Variants in RERE observed in about 807,000 individuals in gnomAD.
RERE encodes arginine-glutamic acid dipeptide repeats protein.
A neutral mutation model predicts 146.1 loss-of-function variants in RERE; 40 were observed. That is an observed-to-expected ratio of 0.27 (90% confidence interval 0.21 to 0.36). RERE has a LOEUF of 0.36. RERE is among the 10% of genes least tolerant of loss of function. The pLI is 1.00. For synonymous variants in RERE, 1,003 were observed against 866.0 expected (o/e 1.16, Z -2.78); for missense variants, 1,933 against 2,138.7 (o/e 0.90, Z 1.90).
chr1:8,726,448 C>T (rs1183823986), intron 1 of RERE, among the ~76,000 whole-genome samples: 2 of 152,102 alleles, frequency 1.3e-5, no homozygotes, highest in Admixed American at 6.6e-5. Context: ...CCAACGCGCC[C>T]GGCCAGGCAA....
intron 4 of RERE, among the ~76,000 whole-genome samples, chr1:8,609,365 G>A (rs1646763214): frequency 6.6e-6 from 1 of 152,200 alleles, no homozygotes; most frequent in African/African-American, 2.4e-5. Flanking sequence ...GGTCAGCTGG[G>A]TGCTTTCAGA....
rs2124502817 is a variant in RERE, at chr1:8,741,319, A to G, written c.-145+75841T>C. 3.3e-5 allele frequency among the ~76,000 whole-genome samples: 5 copies of G among 152,362 alleles called. 1 individual carries two copies. The Middle Eastern group carries it at 0.017, about 518-fold the overall frequency. ...ATCACTGAATCCCAAAGAGTTAGCAAGATGTCTAGAACAAAGCAGACACTC... is the reference window on the plus strand; with the variant it reads ...ATCACTGAATCCCAAAGAGTTAGCAGGATGTCTAGAACAAAGCAGACACTC... On this transcript the variant is annotated intron_variant, in intron 1 of 22. Transcript: ENST00000400908.
At position 8,356,334 on chromosome 1, in the gene RERE, C is replaced by T; in HGVS notation, c.4340-88G>A. On this transcript the variant is annotated intron_variant, in intron 20 of 22. Coordinates refer to ENST00000400908, the MANE Select transcript of RERE (RefSeq NM_001042681.2). The surrounding 1 kb of genome is among the most constrained non-coding windows in gnomAD (Gnocchi z 5.2). ...GGCTGGAATGACCGATGACTTCCTC[C>T]TCACCCAGGATGGCTCCTGGTCACC... 5 of 1,359,878 alleles carry T rather than the reference C, an allele frequency of 3.7e-6. No homozygotes were observed. The highest frequency in any genetic ancestry group is 4.8e-6 in the Non-Finnish European group (5 of 1,048,826). 84.2% of individuals were successfully genotyped at this position (1,359,878 alleles called of 1,614,324 possible).
At chr1:8,470,406 C>T (rs756393659) in intron 10 of RERE, among the ~76,000 whole-genome samples, 4 of 152,120 alleles carry the variant, frequency 2.6e-5, no homozygotes, top group Non-Finnish European at 5.9e-5. Flanking sequence ...GGACTACAAG[C>T]GCCCACCACC....
chr1:8,764,985 ACT>A (rs1348428890), intron 1 of RERE, among the ~76,000 whole-genome samples: 4 of 151,994 alleles, frequency 2.6e-5, no homozygotes, highest in South Asian at 2.1e-4. Context: ...CAAAAATTTC[ACT>A]CTTAGGCTTT....
chr1:8,583,786 T>A (rs1428262642), intron 4 of RERE, among the ~76,000 whole-genome samples: 3 of 152,014 alleles, frequency 2.0e-5, no homozygotes, highest in African/African-American at 7.2e-5. Context: ...AGCTGCCATT[T>A]TTTTAACACT....
At chr1:8,401,038 CAT>C (rs59752248) in intron 12 of RERE, among the ~76,000 whole-genome samples, 15,267 of 57,334 alleles carry the variant, frequency 0.27, 2,685 homozygotes, top group East Asian at 0.51. Context: ...AAAAAAAAAC[CAT>C]ATATATATAT....
chr1:8,675,287 G>T (rs1314049098), intron 1 of RERE, among the ~76,000 whole-genome samples: 1 of 151,828 alleles, frequency 6.6e-6, no homozygotes, highest in Non-Finnish European at 1.5e-5. Flanking sequence ...TGTCACTTTC[G>T]ATATAGTTTT....
Position 8,358,634 on chromosome 1 carries a change from C to T in RERE, c.3901G>A (p.Glu1301Lys), listed in dbSNP as rs1445200468. The change falls in exon 20 of 23, where the codon GAG becomes AAG. Residue 1301 changes from glutamate to lysine, a missense_variant. Physicochemically the swap from Glu to Lys is moderately conservative, Grantham distance 56 (BLOSUM62 1). Around this residue, in one of 11 missense-constraint regions of RERE, gnomAD observed 1,255 missense variants for 1,153.8 expected, o/e 1.09. Coordinates refer to ENST00000400908, the MANE Select transcript of RERE (RefSeq NM_001042681.2). The part of the protein sequence containing the change: ...GLYNVDPTIR[E>K]RELREREIRE... ...ATCTCCCGCTCCCGGAGCTCCCGCT[C>T]GCGGATGGTGGGGTCGACGTTGTAG... 2.5e-6 allele frequency: 4 copies of T among 1,587,086 alleles called. No homozygotes were observed. The highest frequency in any genetic ancestry group is 1.8e-5 in the Admixed American group (1 of 57,028).
At chr1:8,661,524 T>G (rs79853408) in intron 1 of RERE, among the ~76,000 whole-genome samples, 2,306 of 152,178 alleles carry the variant, frequency 0.015, 59 homozygotes, top group African/African-American at 0.053. Flanking sequence ...AGGAGCGCAG[T>G]GGGGCACGAT....
intron 12 of RERE, among the ~76,000 whole-genome samples, chr1:8,393,933 A>G (rs1642968297): frequency 6.6e-6 from 1 of 152,182 alleles, no homozygotes; most frequent in Admixed American, 6.5e-5. Context: ...AGATGATAGG[A>G]GCTCAAGGCC....
At chr1:8,596,220 A>G (rs1288531994) in intron 4 of RERE, among the ~76,000 whole-genome samples, 1 of 152,238 alleles carries the variant, frequency 6.6e-6, no homozygotes, top group Non-Finnish European at 1.5e-5. Flanking sequence ...AACCAATAGT[A>G]AGAATGTTCA....
chr1:8,660,556 G>A (rs370784800), intron 1 of RERE, among the ~76,000 whole-genome samples: 11 of 152,276 alleles, frequency 7.2e-5, no homozygotes, highest in African/African-American at 9.6e-5. Context: ...CAATGGGCAC[G>A]AAGTAGGATT....
rs568010062 is a variant in RERE, at chr1:8,499,191, G to C, written c.880-1662C>G. 4.4e-4 allele frequency among the ~76,000 whole-genome samples: 67 copies of C among 152,356 alleles called. 1 individual carries two copies. The highest frequency in any genetic ancestry group is 2.5e-3 in the Admixed American group (39 of 15,308). On this transcript the variant is annotated intron_variant, in intron 8 of 22. Coordinates refer to ENST00000400908, the MANE Select transcript of RERE (RefSeq NM_001042681.2). ...ATGATGACCATGGGCACATGAGTCT[G>C]ATAGAGCTCCATGGGACATGAAGCC...
At chr1:8,684,162 C>T (rs1050592117) in intron 1 of RERE, among the ~76,000 whole-genome samples, 2 of 152,082 alleles carry the variant, frequency 1.3e-5, no homozygotes, top group African/African-American at 4.8e-5. Context: ...AAGATAGATA[C>T]TAAACAAAAT....
intron 2 of RERE, among the ~76,000 whole-genome samples, chr1:8,652,562 G>A (rs1647681629): frequency 2.0e-5 from 3 of 152,154 alleles, no homozygotes. Flanking sequence ...ATTCCACAGG[G>A]CTGGGGAGGC....
intron 7 of RERE, among the ~76,000 whole-genome samples, chr1:8,530,038 A>G (rs964809288): frequency 3.3e-5 from 5 of 152,024 alleles, no homozygotes; most frequent in African/African-American, 1.2e-4. Context: ...TCCTGCCACC[A>G]CATTTTCTAG....
intron 4 of RERE, among the ~76,000 whole-genome samples, chr1:8,584,686 G>A (rs1369181007): frequency 6.6e-6 from 1 of 152,162 alleles, no homozygotes; most frequent in Non-Finnish European, 1.5e-5. Flanking sequence ...AAAGACTATA[G>A]TGTGTAATCT....
At position 8,364,809 on chromosome 1, in the gene RERE, A is replaced by G. The variant is rs1465708836; in HGVS notation, c.1477T>C (p.Phe493Leu). ...TCCTGCTCACTGTCCTCACTGTCGA[A>G]GTCATCTTCACTGGCTGAACTTAGG... ...LDLSSASEDDFDSEDSEQELK... is the reference protein window; with the variant it reads ...LDLSSASEDDLDSEDSEQELK... The change falls in exon 14 of 23, where the codon TTC (phenylalanine) becomes CTC (leucine). Residue 493 changes from phenylalanine to leucine, a missense_variant. Physicochemically the swap from Phe to Leu is conservative, Grantham distance 22 (BLOSUM62 0). This residue lies in a region of RERE where 260 missense variants were observed against 378.4 expected (regional missense o/e 0.69). Coordinates refer to ENST00000400908, the MANE Select transcript of RERE (RefSeq NM_001042681.2). This position sits in a 1 kb window ranked among gnomAD's most constrained non-coding sequence, Gnocchi z 5.1. 3.7e-6 allele frequency: 6 copies of G among 1,611,012 alleles called. No homozygotes were observed. The highest frequency in any genetic ancestry group is 5.1e-6 in the Non-Finnish European group (6 of 1,178,662).
Sources: gnomAD v4.1 joint callset for allele counts (sites outside exome capture counted in the v4.1 genomes callset) on GRCh38, gnomAD v4.1.1 for gene constraint, gnomAD v4.1.1 regional missense constraint, Gnocchi (gnomAD v3.1) non-coding constraint, MANE v1.5 for transcripts, NCBI Gene and HGNC (gene_info 2026-07-23, HGNC 2026-07-21) for gene names.